Variants in NPM2 observed in about 807,000 individuals in gnomAD.
The protein encoded by NPM2 is nucleoplasmin-2.
Under a neutral mutation model 32.0 loss-of-function variants are expected in NPM2, and 25 were observed. That is an observed-to-expected ratio of 0.78 (90% CI 0.57 to 1.09). The LOEUF is 1.09. Among genes scored for constraint, NPM2 ranks in the 50% least tolerant of loss-of-function variants. NPM2 has a pLI of 0.00. For missense variants in NPM2, 282 were observed against 259.9 expected, an observed-to-expected ratio of 1.08 and a Z score of -0.58; for synonymous variants, 111 against 94.2, an observed-to-expected ratio of 1.18 and a Z score of -1.04.
At chr8:22,033,272 A>G (rs1800502886) in intron 6 of NPM2, 49 bp downstream of exon 6, 1 of 1,420,418 alleles carries the variant, frequency 7.0e-7, no homozygotes, top group South Asian at 1.1e-5. Context: ...CGTGCTAGGC[A>G]GGGGCTCGGG....
intron 2 of NPM2, 186 bp from the exon 3 acceptor site, chr8:22,025,030 G>A: frequency 1.8e-6 from 1 of 555,410 alleles, no homozygotes; most frequent in Non-Finnish European, 3.1e-6. Flanking sequence ...CGAGCCCCGG[G>A]CTGCGCACCC....
chr8:22,025,295 C>T lies in NPM2; in HGVS notation c.47C>T (p.Thr16Ile), dbSNP rs1034928415. ...ASSTEEKAVT[T>I]VLWGCELSQE... ...AGCACGGAGGAAAAGGCAGTGACGA[C>T]CGTGCTCTGGGGTGAGTGGGGACTC... The change falls in exon 3 of 10, where the codon ACC (threonine) becomes ATC (isoleucine). Residue 16 changes from threonine (T) to isoleucine (I), a missense_variant. By Grantham distance (89) the Thr-to-Ile change is moderately conservative (BLOSUM62 -1). Transcript: ENST00000518119. 1.9e-6 allele frequency: 3 copies of T among 1,610,192 alleles called. No homozygotes were observed. The highest frequency in any genetic ancestry group is 1.3e-5 in the African/African-American group (1 of 74,776).
intron 5 of NPM2, among the ~76,000 whole-genome samples, chr8:22,031,106 C>T (rs1800425277): frequency 6.6e-6 from 1 of 152,146 alleles, no homozygotes; most frequent in Admixed American, 6.5e-5. Context: ...ATTTTCTGTA[C>T]ATTTCTTGGC....
rs1800195429 is a variant in NPM2, at chr8:22,025,196, C to G, written c.-33-20C>G. ...GTCAGGGTCAGGGAGCAAGGCCTCA[C>G]GCGGGCGCCCTCCTTGCAGCTGCCC... is the stretch of plus-strand genomic sequence containing the variant. On this transcript the variant is annotated intron_variant, in intron 2 of 9. Coordinates refer to ENST00000518119, the MANE Select transcript of NPM2 (RefSeq NM_001286680.2). The G allele has an allele frequency of 1.3e-6, 2 of 1,588,630 alleles. No individual in the cohort carries two copies. Among genetic ancestry groups the G allele is most frequent in the Non-Finnish European group, 1.7e-6 (2 of 1,168,776 alleles).
intron 5 of NPM2, among the ~76,000 whole-genome samples, chr8:22,028,515 A>G (rs1222444440): frequency 6.9e-6 from 1 of 145,788 alleles, no homozygotes; most frequent in Admixed American, 6.9e-5. Flanking sequence ...TTTTTAGTAG[A>G]GACGGGGTTT....
intron 8 of NPM2, among the ~76,000 whole-genome samples, chr8:22,035,947 A>G (rs1203778595): frequency 6.6e-6 from 1 of 151,940 alleles, no homozygotes; most frequent in Non-Finnish European, 1.5e-5. Flanking sequence ...AAAAAAAAAA[A>G]AGTTTGACCA....
rs1554525812 is a variant in NPM2 at position 22,034,509 on chromosome 8, G to A, written c.532-1G>A. ...ATAATACACTGTTTTTTGGTTCCCA[G>A]AAAAAAAAGCTGGAAAAAGAAGAAG... is the stretch of plus-strand genomic sequence containing the variant. On this transcript the variant is annotated splice_acceptor_variant, in intron 7 of 9. Transcript: ENST00000518119. LOFTEE classifies it high-confidence loss of function. The A allele has an allele frequency of 2.7e-5, 43 of 1,607,384 alleles. No homozygotes were observed. Among genetic ancestry groups the A allele is most frequent in the Non-Finnish European group, 3.4e-5 (40 of 1,176,496 alleles).
rs141608639 is a variant in NPM2 at position 22,026,621 on chromosome 8, A to G, written c.270+849A>G. Among the ~76,000 whole-genome samples, 272 of 151,858 alleles carry G rather than the reference A, an allele frequency of 1.8e-3. 1 individual carries two copies. The highest frequency in any genetic ancestry group is 6.4e-3 in the African/African-American group (267 of 41,434). ...AGGTGTGCACCACCATGCCTGGCTA[A>G]TTTTTGTATTTTTAGTAGAGACAGG... On this transcript the variant is annotated intron_variant, in intron 5 of 9. Transcript: ENST00000518119.
chr8:22,032,897 T>C (rs949180060), intron 5 of NPM2, among the ~76,000 whole-genome samples: 1 of 152,084 alleles, frequency 6.6e-6, no homozygotes, highest in African/African-American at 2.4e-5. Context: ...ATTTAGCCCA[T>C]ACTAATCAGA....
At chr8:22,027,851 C>T (rs761005442) in intron 5 of NPM2, among the ~76,000 whole-genome samples, 5 of 152,276 alleles carry the variant, frequency 3.3e-5, no homozygotes, top group African/African-American at 1.2e-4. Context: ...AGGTGATATA[C>T]CCGCCTTGGC....
chr8:22,031,689 G>A (rs139747354), intron 5 of NPM2, among the ~76,000 whole-genome samples: 31 of 152,166 alleles, frequency 2.0e-4, no homozygotes, highest in African/African-American at 5.5e-4. Context: ...CAAGTTATCC[G>A]CCTGCCTTGG....
At chr8:22,033,886 T>A (rs1800525131) in intron 6 of NPM2, among the ~76,000 whole-genome samples, 2 of 152,234 alleles carry the variant, frequency 1.3e-5, no homozygotes, top group Non-Finnish European at 2.9e-5. Context: ...CCCAGCCCTC[T>A]GCAGGGCTTT....
At chr8:22,034,012 G>A (rs1042952694) in intron 6 of NPM2, 97 bp from the exon 7 acceptor site, 17 of 1,497,412 alleles carry the variant, frequency 1.1e-5, no homozygotes, top group Non-Finnish European at 1.5e-5. Context: ...TTCCTCCAGG[G>A]CAGTGCTTGG....
chr8:22,030,503 G>T (rs779904013), intron 5 of NPM2, among the ~76,000 whole-genome samples: 1 of 152,074 alleles, frequency 6.6e-6, no homozygotes, highest in Non-Finnish European at 1.5e-5. Context: ...GCCTCTCAAA[G>T]TGCTGGGATT....
At chr8:22,027,976 C>A (rs920181432) in intron 5 of NPM2, among the ~76,000 whole-genome samples, 1 of 152,122 alleles carries the variant, frequency 6.6e-6, no homozygotes, top group Non-Finnish European at 1.5e-5. Flanking sequence ...CCATCTTATA[C>A]CCCAATGGAC....
Position 22,025,513 on chromosome 8 carries a change from C to T in NPM2, c.136C>T (p.Leu46Phe), listed in dbSNP as rs1433654789. Residue 46 changes from leucine to phenylalanine, a missense_variant, in exon 4 of 10, where the codon CTT becomes TTT. Transcript: ENST00000518119. Reference protein sequence around the residue: ...LEGKQSCRLLLHTICLGEKAK... With the variant: ...LEGKQSCRLLFHTICLGEKAK... ...GGGGAAGCAGAGCTGCAGGCTGTTG[C>T]TTCATACGGTAGGTGTTCCCAAAAG... 5 of 1,613,990 alleles carry T rather than the reference C, an allele frequency of 3.1e-6. No homozygotes were observed. Among genetic ancestry groups the T allele is most frequent in the Non-Finnish European group, 3.4e-6 (4 of 1,179,998 alleles).
intron 4 of NPM2, 26 bp downstream of exon 4, chr8:22,025,547 A>G (rs1034791448): frequency 6.2e-7 from 1 of 1,613,688 alleles, no homozygotes; most frequent in Non-Finnish European, 8.5e-7. Flanking sequence ...AGAGGGGAGG[A>G]AGATGGTGTC....
intron 5 of NPM2, among the ~76,000 whole-genome samples, chr8:22,026,367 T>C (rs1299138151): frequency 6.6e-6 from 1 of 152,044 alleles, no homozygotes; most frequent in Admixed American, 6.6e-5. Context: ...TCGATCTACA[T>C]ATTGGTTGTG....
intron 3 of NPM2, 65 bp downstream of exon 3, chr8:22,025,371 C>A (rs1585505193): frequency 6.2e-7 from 1 of 1,601,420 alleles, no homozygotes. Context: ...CAGCTTGGGG[C>A]GCAGGTGAGC....
Sources: gnomAD v4.1 joint callset for allele counts (sites outside exome capture counted in the v4.1 genomes callset) on GRCh38, gnomAD v4.1.1 for gene constraint, MANE v1.5 for transcripts, NCBI Gene and HGNC (gene_info 2026-07-23, HGNC 2026-07-21) for gene names.